HHIPL1: variants seen among roughly 807,000 people sequenced by gnomAD.
HHIPL1 encodes the protein HHIP-like protein 1.
In HHIPL1, 43 loss-of-function variants were observed where a neutral mutation model predicts 61.8. That is an observed-to-expected ratio of 0.70 (90% CI 0.55 to 0.90). The LOEUF (loss-of-function observed/expected upper bound fraction) is 0.90, where lower values mean the gene tolerates loss of function less well. Among genes scored for constraint, HHIPL1 ranks in the 40% least tolerant of loss-of-function variants. The pLI, the probability that HHIPL1 is intolerant of heterozygous loss-of-function variation, is 0.00. For missense variants in HHIPL1, 1,056 were observed against 1,157.7 expected (o/e 0.91, Z 1.28); for synonymous variants, 482 against 515.8 (o/e 0.93, Z 0.89).
the HHIPL1 span, among the ~76,000 whole-genome samples, chr14:99,609,416 A>G: frequency 2.0e-5 from 3 of 152,214 alleles, no homozygotes; most frequent in Non-Finnish European, 4.4e-5. Context: ...TCCAGAGGCA[A>G]ACACTGAGGT....
chr14:99,661,922 G>A (rs1338154720), intron 5 of HHIPL1, among the ~76,000 whole-genome samples: 1 of 152,112 alleles, frequency 6.6e-6, no homozygotes, highest in Non-Finnish European at 1.5e-5. Flanking sequence ...TACCTGACCT[G>A]GGCCCCTGGA....
At chr14:99,673,801 AG>A (rs1287865691) in intron 8 of HHIPL1, among the ~76,000 whole-genome samples, 47 of 39,810 alleles carry the variant, frequency 1.2e-3, no homozygotes, top group African/African-American at 3.7e-3. Context: ...GGTGGCATGG[AG>A]GGGGGGTGCA....
rs7342498 is a variant in HHIPL1, at chr14:99,655,435, C to G, written c.903-1565C>G. On this transcript the variant is annotated intron_variant, in intron 2 of 8. Transcript: ENST00000330710. ...ACAGGAGTTCGAGACCAGCCTGGGC[C>G]ACACACTGAGAGCCCTCATCTCTAC... 1.6e-4 allele frequency among the ~76,000 whole-genome samples: 24 copies of G among 151,810 alleles called. No individual in the cohort carries two copies. The East Asian group carries it at 4.5e-3, about 28-fold the overall frequency.
At chr14:99,629,142 C>T in the HHIPL1 span, among the ~76,000 whole-genome samples, 1 of 152,112 alleles carries the variant, frequency 6.6e-6, no homozygotes, top group African/African-American at 2.4e-5. Flanking sequence ...GCGCTGGGTG[C>T]CAGGCCAGGG....
chr14:99,643,970 C>A (rs2055786929), upstream of HHIPL1, among the ~76,000 whole-genome samples: 1 of 152,242 alleles, frequency 6.6e-6, no homozygotes, highest in Non-Finnish European at 1.5e-5. Flanking sequence ...AAGGTTACTT[C>A]ACTGAGCCCT....
At chr14:99,630,583 T>C in the HHIPL1 span, among the ~76,000 whole-genome samples, 52 of 152,244 alleles carry the variant, frequency 3.4e-4, no homozygotes, top group East Asian at 9.1e-3. Context: ...TGATAGGCAT[T>C]GTGGGGTGTG....
intron 3 of HHIPL1, among the ~76,000 whole-genome samples, chr14:99,657,798 T>C (rs2056074715): frequency 6.6e-6 from 1 of 151,418 alleles, no homozygotes; most frequent in African/African-American, 2.4e-5. Context: ...CACACACATA[T>C]ACACACATAC....
chr14:99,675,933 A>T lies in HHIPL1; in HGVS notation c.*307A>T, dbSNP rs2056387184. ...ACAGCAGCCGGGCTGTGGGACCCTG[A>T]GGAGGGAGGGCAGCCAGGCTTCGAG... On this transcript the variant is annotated 3_prime_UTR_variant, in exon 9 of 9. Coordinates refer to ENST00000330710, the MANE Select transcript of HHIPL1 (RefSeq NM_001127258.3). This position sits in a 1 kb window ranked among gnomAD's most constrained non-coding sequence, Gnocchi z 5.4. 1 of 344,134 alleles carries T rather than the reference A, an allele frequency of 2.9e-6. No homozygotes were observed. Among genetic ancestry groups the T allele is most frequent in the Admixed American group, 4.7e-5 (1 of 21,074 alleles). 21.3% of individuals were successfully genotyped at this position (344,134 alleles called of 1,614,324 possible). A position where few individuals can be genotyped will look rare whatever the true frequency, so the allele number is the denominator to read the frequency against.
the HHIPL1 span, among the ~76,000 whole-genome samples, chr14:99,624,319 G>A: frequency 6.6e-6 from 1 of 152,202 alleles, no homozygotes; most frequent in African/African-American, 2.4e-5. Context: ...TCTGTGGCCT[G>A]AGCAGTCTCA....
chr14:99,607,637 A>T, the HHIPL1 span, among the ~76,000 whole-genome samples: 1 of 152,120 alleles, frequency 6.6e-6, no homozygotes, highest in Non-Finnish European at 1.5e-5. Context: ...TGACAAGCAG[A>T]GTGTGCCCCT....
At chr14:99,631,145 T>C in the HHIPL1 span, among the ~76,000 whole-genome samples, 1 of 150,090 alleles carries the variant, frequency 6.7e-6, no homozygotes, top group African/African-American at 2.5e-5. Context: ...TTTGACAGAG[T>C]CTTGCTGTGT....
intron 6 of HHIPL1, among the ~76,000 whole-genome samples, chr14:99,666,150 T>C (rs1166263165): frequency 6.6e-6 from 1 of 152,164 alleles, no homozygotes; most frequent in Non-Finnish European, 1.5e-5. Context: ...TATTTTTAGG[T>C]TCTATGACTG....
At chr14:99,651,521 T>C (rs570729223) in intron 1 of HHIPL1, among the ~76,000 whole-genome samples, 1 of 152,260 alleles carries the variant, frequency 6.6e-6, no homozygotes, top group South Asian at 2.1e-4. Context: ...CGCTCTACAG[T>C]ACCAAGGGGA....
the HHIPL1 span, among the ~76,000 whole-genome samples, chr14:99,637,193 AAAGAAAGG>A: frequency 5.2e-4 from 44 of 83,898 alleles, no homozygotes; most frequent in Middle Eastern, 0.01. Context: ...AGAATGGAAG[AAAGAAAGG>A]AAGAAAGAAA....
chr14:99,645,383 G>A lies in HHIPL1; in HGVS notation c.176G>A (p.Arg59His). Residue 59 changes from arginine to histidine, a missense_variant, in exon 1 of 9, where the codon CGC (arginine) becomes CAC (histidine). Physicochemically the swap from Arg to His is conservative, Grantham distance 29. Transcript: ENST00000330710. ...GGGCGCGACGCCGAGCTGACCCGCC[G>A]CTTCTGGGCCCTGGCGAGCCGCGTG... ...DEGRDAELTRRFWALASRVDA... is the reference protein window; with the variant it reads ...DEGRDAELTRHFWALASRVDA... 1 of 1,437,742 alleles carries A rather than the reference G, an allele frequency of 7.0e-7. No individual in the cohort carries two copies. The highest frequency in any genetic ancestry group is 1.4e-5 in the South Asian group (1 of 72,054). The allele number at this position is 1,437,742 out of a possible 1,614,324, so 89.1% of individuals were successfully genotyped here. A position where few individuals can be genotyped will look rare whatever the true frequency, so the allele number is the denominator to read the frequency against.
At chr14:99,647,709 A>G (rs971104611) in intron 1 of HHIPL1, among the ~76,000 whole-genome samples, 1 of 152,148 alleles carries the variant, frequency 6.6e-6, no homozygotes, top group African/African-American at 2.4e-5. Flanking sequence ...GCCAAGGCAG[A>G]GTCTGCATTT....
the HHIPL1 span, among the ~76,000 whole-genome samples, chr14:99,610,812 G>A: frequency 5.6e-4 from 85 of 152,246 alleles, no homozygotes; most frequent in African/African-American, 2.0e-3. Flanking sequence ...TCATGGCATG[G>A]TCCTTCATGT....
At chr14:99,620,605 G>A in the HHIPL1 span, among the ~76,000 whole-genome samples, 1 of 152,164 alleles carries the variant, frequency 6.6e-6, no homozygotes, top group Admixed American at 6.5e-5. Context: ...CCACTCAGGT[G>A]GGGGGCGGGT....
chr14:99,631,048 TTTTCTTTC>T, the HHIPL1 span, among the ~76,000 whole-genome samples: 14,005 of 120,216 alleles, frequency 0.12, 902 homozygotes, highest in African/African-American at 0.15. Context: ...AGTGGCTCCA[TTTTCTTTC>T]TTTCTTTCTT....
Sources: gnomAD v4.1 joint callset for allele counts (sites outside exome capture counted in the v4.1 genomes callset) on GRCh38, gnomAD v4.1.1 for gene constraint, Gnocchi (gnomAD v3.1) non-coding constraint, MANE v1.5 for transcripts, NCBI Gene and HGNC (gene_info 2026-07-23, HGNC 2026-07-21) for gene names.